ANK1: variants seen among roughly 807,000 people sequenced by gnomAD.
ANK1 encodes ankyrin 1, also known as ankyrin-1.
ANK1 carries 51 observed loss-of-function variants against 210.4 expected under a neutral mutation model. The observed-to-expected ratio is 0.24, with a 90% CI of 0.19 to 0.31. ANK1 has a LOEUF of 0.31. Ranked by LOEUF, ANK1 falls within the 10% of genes least tolerant of loss-of-function variation. ANK1 has a pLI of 1.00. For missense variants in ANK1, 2,051 were observed against 2,504.4 expected, an observed-to-expected ratio of 0.82 and a Z score of 3.86; for synonymous variants, 967 against 1,025.9, an observed-to-expected ratio of 0.94 and a Z score of 1.10.
chr8:41,823,167 T>C (rs970620142), intron 1 of ANK1, among the ~76,000 whole-genome samples: 1 of 152,128 alleles, frequency 6.6e-6, no homozygotes, highest in Non-Finnish European at 1.5e-5. Flanking sequence ...TCAGATCTCA[T>C]GAAGAGCCTC....
intron 6 of ANK1, 67 bp from the exon 7 acceptor site, chr8:41,724,621 G>GGTCTGATTACTTCTATCTCA: frequency 6.9e-7 from 1 of 1,456,908 alleles, no homozygotes; most frequent in Non-Finnish European, 9.4e-7. Flanking sequence ...ATCAGCCCTG[G>GGTCTGATTACTTCTATCTCA]GATGCAGGAA....
intron 33 of ANK1, among the ~76,000 whole-genome samples, chr8:41,689,065 A>T (rs1319163585): frequency 6.6e-6 from 1 of 152,132 alleles, no homozygotes; most frequent in Non-Finnish European, 1.5e-5. Context: ...TTAACATCAC[A>T]GCCCTGTGGA....
chr8:41,693,867 A>C, intron 29 of ANK1, 31 bp downstream of exon 29: 1 of 1,580,976 alleles, frequency 6.3e-7, no homozygotes, highest in Non-Finnish European at 8.6e-7. Flanking sequence ...GCAGCAGCCG[A>C]GAACAGAAGC....
chr8:41,828,120 T>C (rs1055291430), intron 1 of ANK1: 1 of 152,246 alleles, frequency 6.6e-6, no homozygotes, highest in African/African-American at 2.4e-5. Flanking sequence ...TTCCAGACCC[T>C]GGGCACCAGG....
chr8:41,687,385 T>C (rs1817978621), intron 35 of ANK1, among the ~76,000 whole-genome samples: 1 of 152,258 alleles, frequency 6.6e-6, no homozygotes, highest in Admixed American at 6.5e-5. Context: ...ATTAGGCTTC[T>C]GTTTAAGGAT....
intron 1 of ANK1, among the ~76,000 whole-genome samples, chr8:41,775,521 C>A (rs561649544): frequency 6.6e-6 from 1 of 152,182 alleles, no homozygotes; most frequent in South Asian, 2.1e-4. Flanking sequence ...GATGATTCAC[C>A]GCAGAGACAA....
At position 41,762,510 on chromosome 8, in the gene ANK1, T is replaced by C. The variant is rs140570699; in HGVS notation, c.28-4373A>G. 5.5e-3 allele frequency among the ~76,000 whole-genome samples: 835 copies of C among 152,316 alleles called. 8 individuals are homozygous for C. Among genetic ancestry groups the C allele is most frequent in the Non-Finnish European group, 7.8e-3 (528 of 68,030 alleles). ...TTTGAATCCTCCAAAGCATTAAGTG[T>C]CTGCTAGGGCGAGGCCTCCCTTGAC... On this transcript the variant is annotated intron_variant, in intron 1 of 42. Coordinates refer to ENST00000289734, the MANE Select transcript of ANK1 (RefSeq NM_000037.4).
At chr8:41,697,971 C>G in intron 24 of ANK1, 72 bp downstream of exon 24, 1 of 1,443,586 alleles carries the variant, frequency 6.9e-7, no homozygotes, top group Non-Finnish European at 9.7e-7. Flanking sequence ...GTACAGGCCA[C>G]CCCTCAACAA....
At chr8:41,729,272 G>A (rs915839135) in intron 3 of ANK1, among the ~76,000 whole-genome samples, 1 of 152,222 alleles carries the variant, frequency 6.6e-6, no homozygotes, top group Non-Finnish European at 1.5e-5. Context: ...AGAAAAACTG[G>A]AGAGAATAAA....
At chr8:41,793,554 GA>G (rs1848177571) in intron 1 of ANK1, among the ~76,000 whole-genome samples, 1 of 152,198 alleles carries the variant, frequency 6.6e-6, no homozygotes, top group African/African-American at 2.4e-5. Context: ...TGTGTGTGAA[GA>G]ATGGATTAGA....
rs1441987523 is a variant in ANK1 at position 41,706,119 on chromosome 8, TG to T, written c.2097+23del. 6 of 1,608,892 alleles carry T rather than the reference TG, an allele frequency of 3.7e-6. No individual in the cohort carries two copies. In the South Asian group the frequency reaches 5.5e-5, roughly 15 times the overall value. ...GTGTGAGCAAGGAGTCCACACAGAC[TG>T]AAGTTCCGGCTGCCTGCCTTACCCG... On this transcript the variant is annotated intron_variant, in intron 18 of 42. Transcript: ENST00000289734.
chr8:41,691,220 T>C (rs1293198276), intron 31 of ANK1, among the ~76,000 whole-genome samples: 1 of 152,222 alleles, frequency 6.6e-6, no homozygotes, highest in Non-Finnish European at 1.5e-5. Flanking sequence ...ACTGAGATCC[T>C]GTTTCTAAAA....
At chr8:41,673,538 G>C (rs1813172349) in intron 37 of ANK1, among the ~76,000 whole-genome samples, 3 of 152,170 alleles carry the variant, frequency 2.0e-5, no homozygotes, top group African/African-American at 7.2e-5. Context: ...GTTGCCTATT[G>C]GTTCCAGAAA....
intron 33 of ANK1, among the ~76,000 whole-genome samples, 192 bp from the exon 34 acceptor site, chr8:41,688,781 CG>C (rs1463576425): frequency 6.6e-6 from 1 of 152,142 alleles, no homozygotes; most frequent in African/African-American, 2.4e-5. Flanking sequence ...GCTGAAGAAG[CG>C]CACATGCGTT....
At chr8:41,824,729 C>T (rs1247166907) in intron 1 of ANK1, among the ~76,000 whole-genome samples, 1 of 152,182 alleles carries the variant, frequency 6.6e-6, no homozygotes, top group African/African-American at 2.4e-5. Context: ...ATTTTCTAGA[C>T]AGCAGAGTTC....
At chr8:41,860,071 A>C (rs1812988511) in intron 1 of ANK1, among the ~76,000 whole-genome samples, 1 of 152,252 alleles carries the variant, frequency 6.6e-6, no homozygotes, top group Non-Finnish European at 1.5e-5. Flanking sequence ...GAGACAAGGC[A>C]GACTACAGAC....
At chr8:41,763,834 G>A (rs143617489) in intron 1 of ANK1, among the ~76,000 whole-genome samples, 10 of 149,134 alleles carry the variant, frequency 6.7e-5, no homozygotes, top group African/African-American at 2.5e-4. Context: ...AGTTAGCAGT[G>A]AAGTGCAATT....
chr8:41,829,741 C>G (rs1415706090), intron 1 of ANK1: 1 of 152,178 alleles, frequency 6.6e-6, no homozygotes, highest in East Asian at 1.9e-4. Flanking sequence ...TCGAGACCGT[C>G]CTGGCTAACA....
intron 1 of ANK1, among the ~76,000 whole-genome samples, chr8:41,780,646 T>C (rs1256719399): frequency 2.0e-5 from 3 of 151,938 alleles, no homozygotes; most frequent in Non-Finnish European, 4.4e-5. Context: ...CAAGGGAACA[T>C]GTGTTCCATG....
Sources: allele counts gnomAD v4.1 joint callset (sites outside exome capture counted in the v4.1 genomes callset), GRCh38; gene constraint gnomAD v4.1.1; transcripts MANE v1.5; gene names NCBI Gene and HGNC (gene_info 2026-07-23, HGNC 2026-07-21).